SPOCK3: variants seen among roughly 807,000 people sequenced by gnomAD.
The protein encoded by SPOCK3 is SPARC (osteonectin), cwcv and kazal like domains proteoglycan 3, also known as testican-3.
In SPOCK3, 30 loss-of-function variants were observed where a neutral mutation model predicts 56.6. The observed-to-expected ratio is 0.53, with a 90% CI of 0.40 to 0.72. The LOEUF is 0.72. SPOCK3 is among the 30% of genes least tolerant of loss of function. SPOCK3 has a pLI of 0.00. For synonymous variants in SPOCK3, 196 were observed against 183.3 expected (o/e 1.07, Z -0.56); for missense variants, 527 against 530.0 (o/e 0.99, Z 0.06).
At chr4:167,188,019 A>C (rs1458286428) in intron 2 of SPOCK3, among the ~76,000 whole-genome samples, 1 of 115,608 alleles carries the variant, frequency 8.6e-6, no homozygotes, top group Non-Finnish European at 1.8e-5. Context: ...AGAAATCTGC[A>C]GTTCTGAGTT....
chr4:167,095,674 T>C (rs1368156850), intron 2 of SPOCK3, among the ~76,000 whole-genome samples: 1 of 151,930 alleles, frequency 6.6e-6, no homozygotes, highest in Admixed American at 6.6e-5. Context: ...TATGAAGGAC[T>C]CTGTACTCAC....
chr4:167,166,466 C>T (rs969300389), intron 2 of SPOCK3, among the ~76,000 whole-genome samples: 1 of 152,014 alleles, frequency 6.6e-6, no homozygotes, highest in African/African-American at 2.4e-5. Flanking sequence ...CACTGTACTA[C>T]AATCTATCTC....
chr4:167,157,753 AAC>A (rs147752913), intron 2 of SPOCK3, among the ~76,000 whole-genome samples: 7 of 150,562 alleles, frequency 4.6e-5, no homozygotes, highest in African/African-American at 7.3e-5. Context: ...TTATTGTTTA[AAC>A]ACACACACAC....
intron 2 of SPOCK3, among the ~76,000 whole-genome samples, chr4:167,102,979 G>T (rs1217737473): frequency 6.6e-6 from 1 of 150,562 alleles, no homozygotes; most frequent in Non-Finnish European, 1.5e-5. Flanking sequence ...AGGGGAAAAG[G>T]GGGAAGAGTA....
intron 2 of SPOCK3, among the ~76,000 whole-genome samples, chr4:167,139,465 C>T (rs1763360543): frequency 6.6e-6 from 1 of 151,832 alleles, no homozygotes; most frequent in African/African-American, 2.4e-5. Context: ...AAAATTATTG[C>T]CAATCTGAAT....
rs140380205 is a variant in SPOCK3, at chr4:166,904,429, C to T, written c.474+8191G>A. On this transcript the variant is annotated intron_variant, in intron 5 of 10. Transcript: ENST00000357545. The stretch of plus-strand genomic sequence containing the variant: ...TTTGTTTGTTGATATGAGTTGGGTG[C>T]CTCTGACAAAAAGATTACAGAACTC... Among the ~76,000 whole-genome samples, 1,178 of 152,026 alleles carry T rather than the reference C, an allele frequency of 7.7e-3. 8 individuals are homozygous for T. Among genetic ancestry groups the T allele is most frequent in the Middle Eastern group, 0.024 (7 of 294 alleles).
At chr4:166,903,838 A>G (rs925618253) in intron 5 of SPOCK3, among the ~76,000 whole-genome samples, 3 of 152,052 alleles carry the variant, frequency 2.0e-5, no homozygotes, top group African/African-American at 7.2e-5. Context: ...TAAAACATAC[A>G]GTGCTCATAG....
At chr4:167,128,375 CTCTCT>C (rs1432196022) in intron 2 of SPOCK3, among the ~76,000 whole-genome samples, 1 of 152,168 alleles carries the variant, frequency 6.6e-6, no homozygotes, top group African/African-American at 2.4e-5. Context: ...GATCACTTAC[CTCTCT>C]TCTTAGTTTT....
intron 2 of SPOCK3, among the ~76,000 whole-genome samples, chr4:167,116,684 TAC>T (rs200408094): frequency 0.47 from 58,402 of 125,530 alleles, 14,899 homozygotes; most frequent in East Asian, 0.69. Context: ...TATGTATATA[TAC>T]ACACATATAG....
chr4:166,911,378 C>T (rs1255470294), intron 5 of SPOCK3, among the ~76,000 whole-genome samples: 2 of 152,032 alleles, frequency 1.3e-5, no homozygotes, highest in Admixed American at 6.6e-5. Flanking sequence ...AAGCAGGTAT[C>T]CACAAAACCA....
intron 2 of SPOCK3, among the ~76,000 whole-genome samples, chr4:167,127,841 C>A (rs916595838): frequency 4.7e-4 from 71 of 152,314 alleles, no homozygotes; most frequent in African/African-American, 1.6e-3. Flanking sequence ...TTCTCCTAAA[C>A]TTCTTCAAAC....
chr4:167,162,032 A>T (rs1765363150), intron 2 of SPOCK3, among the ~76,000 whole-genome samples: 1 of 152,068 alleles, frequency 6.6e-6, no homozygotes, highest in Admixed American at 6.6e-5. Flanking sequence ...CTAAAACTTA[A>T]AGTATAATAA....
chr4:167,091,407 T>G (rs984735751), intron 2 of SPOCK3, among the ~76,000 whole-genome samples: 1 of 152,216 alleles, frequency 6.6e-6, no homozygotes, highest in African/African-American at 2.4e-5. Flanking sequence ...ATTAATTATG[T>G]GACAAAGTTA....
intron 9 of SPOCK3, among the ~76,000 whole-genome samples, chr4:166,739,267 G>C (rs375831386): frequency 6.6e-6 from 1 of 152,002 alleles, no homozygotes; most frequent in Non-Finnish European, 1.5e-5. Context: ...TTGAGACAGA[G>C]TCTCACTCCA....
chr4:166,744,223 C>G (rs980776579), intron 8 of SPOCK3, among the ~76,000 whole-genome samples: 2 of 152,098 alleles, frequency 1.3e-5, no homozygotes, highest in African/African-American at 4.8e-5. Flanking sequence ...TGACTGACAC[C>G]TCATACAGCC....
intron 3 of SPOCK3, among the ~76,000 whole-genome samples, chr4:167,056,683 T>C (rs1338862608): frequency 2.0e-5 from 3 of 151,954 alleles, no homozygotes; most frequent in Admixed American, 6.6e-5. Context: ...AGAAAGGGTA[T>C]CAGTGATGGA....
At chr4:166,938,481 TTAG>T (rs558898826) in intron 4 of SPOCK3, among the ~76,000 whole-genome samples, 207 of 152,216 alleles carry the variant, frequency 1.4e-3, no homozygotes, top group South Asian at 6.0e-3. Context: ...AAAAAAATGT[TTAG>T]TAGGTAATTG....
intron 2 of SPOCK3, among the ~76,000 whole-genome samples, chr4:167,200,772 T>A (rs915601579): frequency 6.6e-6 from 1 of 152,078 alleles, no homozygotes; most frequent in Non-Finnish European, 1.5e-5. Flanking sequence ...AACACGTCAC[T>A]TTATTGTAAA....
At chr4:167,187,058 A>G (rs994379594) in intron 2 of SPOCK3, among the ~76,000 whole-genome samples, 16 of 151,914 alleles carry the variant, frequency 1.1e-4, no homozygotes, top group African/African-American at 3.9e-4. Context: ...ATAATTTTAG[A>G]TTAATTTTAT....
Sources: allele counts gnomAD v4.1 joint callset (sites outside exome capture counted in the v4.1 genomes callset), GRCh38; gene constraint gnomAD v4.1.1; transcripts MANE v1.5; gene names NCBI Gene and HGNC (gene_info 2026-07-23, HGNC 2026-07-21).